The following GLI4 variants were observed in gnomAD, a reference collection of about 807,000 sequenced individuals.
The protein encoded by GLI4 is zinc finger protein GLI4.
GLI4 carries 34 observed loss-of-function variants against 30.9 expected under a neutral mutation model. The ratio of observed to expected loss-of-function variants is 1.10; its 90% CI spans 0.84 to 1.47. GLI4 has a LOEUF of 1.47. Among genes scored for constraint, GLI4 ranks in the 40% most tolerant of loss-of-function variants. The pLI is 0.00. For missense variants in GLI4, 696 were observed against 538.9 expected, an observed-to-expected ratio of 1.29 and a Z score of -2.89; for synonymous variants, 277 against 236.7, an observed-to-expected ratio of 1.17 and a Z score of -1.56.
chr8:143,275,321 C>T, intron 3 of GLI4: 1 of 1,441,430 alleles, frequency 6.9e-7, no homozygotes, highest in Non-Finnish European at 9.1e-7. Flanking sequence ...GAGCCCTCGC[C>T]CACATCTGGG....
rs1815390478 is a variant in GLI4 at position 143,276,447 on chromosome 8, G to A, written c.774G>A (p.Leu258=). The change falls in exon 4 of 4, where the codon CTG becomes CTA. Residue 258 remains leucine (L), a synonymous_variant. Transcript: ENST00000340042. ...ACAGCTCGCACTTCACGCAGCACCT[G>A]CGCATCCACAACGGCGAGAAGCCCT... The part of the protein sequence containing the change: ...FSHSSHFTQH[L]RIHNGEKPYK... 6.2e-7 allele frequency: 1 copy of A among 1,612,692 alleles called. No homozygotes were observed. Among genetic ancestry groups the A allele is most frequent in the Non-Finnish European group, 8.5e-7 (1 of 1,179,722 alleles).
intron 3 of GLI4, 29 bp downstream of exon 3, chr8:143,274,831 G>A (rs1815349261): frequency 1.3e-6 from 2 of 1,532,116 alleles, no homozygotes; most frequent in Non-Finnish European, 1.8e-6. Context: ...GTTACTGGGG[G>A]ACCAGAGCTC....
chr8:143,267,517 G>C, intron 1 of GLI4, 33 bp downstream of exon 1: 1 of 986,402 alleles, frequency 1.0e-6, no homozygotes, highest in East Asian at 1.1e-4. Context: ...GGCGGCTCCG[G>C]GTGCCTGGGA....
intron 2 of GLI4, chr8:143,274,474 T>G: frequency 5.3e-6 from 2 of 380,878 alleles, no homozygotes; most frequent in Non-Finnish European, 9.4e-6. Flanking sequence ...TGAAGGGGAA[T>G]GAGCTCCCAA....
chr8:143,275,897 A>T lies in GLI4; in HGVS notation c.224A>T (p.Asp75Val). The T allele has an allele frequency of 7.8e-7, 1 of 1,285,954 alleles. No homozygotes were observed. The allele number at this position is 1,285,954 out of a possible 1,614,324, so 79.7% of individuals were successfully genotyped here. ...VEIGRDTFWP[D>V]SEPKPEQAPR... Reference sequence around the variant, plus strand: ...CCGCCTCTGCCGTTTCTCATTTCAGACTCCGAGCCCAAGCCGGAGCAGGCT... The same window carrying T: ...CCGCCTCTGCCGTTTCTCATTTCAGTCTCCGAGCCCAAGCCGGAGCAGGCT... The change falls in exon 4 of 4, where the codon GAC (aspartate) becomes GTC (valine). Residue 75 changes from aspartate (D) to valine (V), a missense_variant and splice_region_variant. Asp to Val is a radical substitution (Grantham distance 152). Coordinates refer to ENST00000340042, the MANE Select transcript of GLI4 (RefSeq NM_138465.4).
intron 2 of GLI4, among the ~76,000 whole-genome samples, 153 bp downstream of exon 2, chr8:143,269,673 C>G (rs1815222719): frequency 6.6e-6 from 1 of 152,270 alleles, no homozygotes; most frequent in African/African-American, 2.4e-5. Context: ...TTCCCACACC[C>G]TCAGGCCAGG....
chr8:143,275,582 C>T, intron 3 of GLI4: 3 of 1,249,530 alleles, frequency 2.4e-6, no homozygotes, highest in Non-Finnish European at 3.0e-6. Flanking sequence ...AGTGCTTCCT[C>T]CTGGCTAAGG....
At chr8:143,275,148 A>G in intron 3 of GLI4, 1 of 1,535,646 alleles carries the variant, frequency 6.5e-7, no homozygotes, top group Non-Finnish European at 8.7e-7. Flanking sequence ...CTGTCCCCCC[A>G]GATCCACGAG....
chr8:143,274,845 G>T, intron 3 of GLI4, 43 bp downstream of exon 3: 1 of 1,521,868 alleles, frequency 6.6e-7, no homozygotes, highest in Non-Finnish European at 8.9e-7. Flanking sequence ...AGAGCTCTGC[G>T]CGTGCCAGGC....
At chr8:143,268,915 CT>C (rs1343108108) in intron 1 of GLI4, among the ~76,000 whole-genome samples, 1 of 150,356 alleles carries the variant, frequency 6.7e-6, no homozygotes, top group Non-Finnish European at 1.5e-5. Context: ...GCCATCTCGG[CT>C]CACTGCAACC....
chr8:143,275,449 C>T (rs889245230), intron 3 of GLI4: 43 of 1,363,916 alleles, frequency 3.2e-5, no homozygotes, highest in Non-Finnish European at 4.0e-5. Context: ...AGCACACTTG[C>T]CACCGAGGCC....
At chr8:143,275,242 C>T (rs1247344441) in intron 3 of GLI4, 3 of 1,528,220 alleles carry the variant, frequency 2.0e-6, no homozygotes, top group East Asian at 2.5e-5. Context: ...TCCCCTGCAC[C>T]TCCCCCTTGA....
Position 143,276,205 on chromosome 8 carries a change from CG to C in GLI4, c.538del (p.Ala180ProfsTer20), listed in dbSNP as rs1376288876. On this transcript the variant is annotated frameshift_variant, in exon 4 of 4. Transcript: ENST00000340042. LOFTEE classifies it high-confidence loss of function. ...NFGRSRQGSARGAKPHRCEAC... is the reference protein window; with the variant it reads ...NFGRSRQGSAXGAKPHRCEAC... ...CGGTCGGAGCCGGCAGGGCAGCGCG[CG>C]GGGGGCCAAGCCGCACAGGTGCGAG... 1.3e-6 allele frequency: 2 copies of C among 1,574,696 alleles called. No homozygotes were observed. Among genetic ancestry groups the C allele is most frequent in the Non-Finnish European group, 1.7e-6 (2 of 1,161,032 alleles).
intron 3 of GLI4, 186 bp downstream of exon 3, chr8:143,274,988 G>A: frequency 6.7e-7 from 1 of 1,494,992 alleles, no homozygotes; most frequent in South Asian, 1.3e-5. Flanking sequence ...TCCAGTTACT[G>A]ATGCTTCCCG....
Position 143,267,474 on chromosome 8 carries a change from C to T in GLI4, c.-48C>T. 4 of 985,978 alleles carry T rather than the reference C, an allele frequency of 4.1e-6. No homozygotes were observed. Among genetic ancestry groups the T allele is most frequent in the Non-Finnish European group, 4.8e-6 (4 of 830,306 alleles). 61.1% of individuals were successfully genotyped at this position (985,978 alleles called of 1,614,324 possible). On this transcript the variant is annotated 5_prime_UTR_variant, in exon 1 of 4. Transcript: ENST00000340042. ...CCGTCCGGCGCGCGGCGTCCTCCTC[C>T]CGCTCGGAAGGTGAGTGGGCGCGGG...
At position 143,276,708 on chromosome 8, in the gene GLI4, C is replaced by G. The variant is rs372183502; in HGVS notation, c.1035C>G (p.His345Gln). ...RSHFFRHLRTHTGEKPFACGA... is the reference protein window; with the variant it reads ...RSHFFRHLRTQTGEKPFACGA... The stretch of plus-strand genomic sequence containing the variant: ...ACTTCTTCCGGCACCTGCGGACCCA[C>G]ACGGGCGAGAAGCCCTTCGCGTGTG... Residue 345 changes from histidine (H) to glutamine (Q), a missense_variant, in exon 4 of 4, where the codon CAC (histidine) becomes CAG (glutamine). Transcript: ENST00000340042. 9.9e-6 allele frequency: 16 copies of G among 1,611,134 alleles called. No individual in the cohort carries two copies. Among genetic ancestry groups the G allele is most frequent in the African/African-American group, 1.3e-5 (1 of 74,882 alleles).
chr8:143,276,670 C>G lies in GLI4; in HGVS notation c.997C>G (p.Arg333Gly). ...YECSDCGKAF[R>G]GRSHFFRHLR... ...GTGCTCCGACTGCGGCAAAGCCTTC[C>G]GCGGCCGCTCGCACTTCTTCCGGCA... Residue 333 changes from arginine (R) to glycine (G), a missense_variant, in exon 4 of 4, where the codon CGC (arginine) becomes GGC (glycine). By Grantham distance (125) the Arg-to-Gly change is moderately radical (BLOSUM62 -2). Transcript: ENST00000340042. 4 of 1,611,042 alleles carry G rather than the reference C, an allele frequency of 2.5e-6. No individual in the cohort carries two copies. The South Asian group carries it at 4.4e-5, about 18-fold the overall frequency.
chr8:143,275,888 T>C lies in GLI4; in HGVS notation c.224-9T>C. On this transcript the variant is annotated splice_polypyrimidine_tract_variant and intron_variant, in intron 3 of 3. Transcript: ENST00000340042. ...GGGTACTATCCGCCTCTGCCGTTTC[T>C]CATTTCAGACTCCGAGCCCAAGCCG... 7.8e-7 allele frequency: 1 copy of C among 1,283,446 alleles called. No homozygotes were observed. The highest frequency in any genetic ancestry group is 1.5e-5 in the African/African-American group (1 of 65,128). The allele number at this position is 1,283,446 out of a possible 1,614,324, so 79.5% of individuals were successfully genotyped here. A position where few individuals can be genotyped will look rare whatever the true frequency, so the allele number is the denominator to read the frequency against.
At chr8:143,270,701 G>T (rs746968856) in intron 2 of GLI4, among the ~76,000 whole-genome samples, 1 of 152,184 alleles carries the variant, frequency 6.6e-6, no homozygotes, top group Non-Finnish European at 1.5e-5. Context: ...CTCCTGTCCC[G>T]TTACCAGTGG....
Sources: gnomAD v4.1 joint callset for allele counts (sites outside exome capture counted in the v4.1 genomes callset) on GRCh38, gnomAD v4.1.1 for gene constraint, MANE v1.5 for transcripts, NCBI Gene and HGNC (gene_info 2026-07-23, HGNC 2026-07-21) for gene names.